Variants in XKR4 observed in about 807,000 individuals in gnomAD.
XKR4 encodes the protein XK related 4.
A neutral mutation model predicts 53.9 loss-of-function variants in XKR4; 12 were observed. The ratio of observed to expected loss-of-function variants is 0.22; its 90% CI spans 0.14 to 0.36. XKR4 has a LOEUF of 0.36. Ranked by LOEUF, XKR4 falls within the 10% of genes least tolerant of loss-of-function variation. The probability of loss-of-function intolerance (pLI) is 1.00; values close to 1 mark genes in which losing one functional copy is unlikely to be tolerated. For missense variants in XKR4, 799 were observed against 859.5 expected (o/e 0.93, Z 0.88); for synonymous variants, 354 against 362.4 (o/e 0.98, Z 0.26).
chr8:55,272,916 A>G (rs1818712371), intron 1 of XKR4: 1 of 454,044 alleles, frequency 2.2e-6, no homozygotes, highest in African/African-American at 2.0e-5. Flanking sequence ...TATTTCAACT[A>G]TTGGGTATAA....
chr8:55,397,563 T>A (rs908883940), intron 2 of XKR4, among the ~76,000 whole-genome samples: 1 of 149,216 alleles, frequency 6.7e-6, no homozygotes, highest in Non-Finnish European at 1.5e-5. Context: ...CCACTGGAGC[T>A]GTGCCCTTAA....
At chr8:55,482,432 A>G (rs1002530487) in intron 2 of XKR4, among the ~76,000 whole-genome samples, 2 of 152,110 alleles carry the variant, frequency 1.3e-5, no homozygotes, top group Non-Finnish European at 2.9e-5. Flanking sequence ...GCATTAGGAG[A>G]TATACCTAAT....
intron 2 of XKR4, among the ~76,000 whole-genome samples, chr8:55,361,530 C>T (rs545545538): frequency 1.5e-4 from 23 of 152,032 alleles, no homozygotes; most frequent in African/African-American, 2.4e-4. Context: ...CTACCCTGGC[C>T]GGACCATGTG....
chr8:55,160,414 GTAGGCATGAAC>G (rs1816967485), intron 1 of XKR4, among the ~76,000 whole-genome samples: 1 of 152,192 alleles, frequency 6.6e-6, no homozygotes, highest in Non-Finnish European at 1.5e-5. Flanking sequence ...TTAGAGGTCT[GTAGGCATGAAC>G]TAGAAGTAAA....
In XKR4 at chr8:55,532,268, C is replaced by T. The variant is rs531898099; in HGVS notation, c.*8041C>T. On this transcript the variant is annotated 3_prime_UTR_variant, in exon 3 of 3. Transcript: ENST00000327381. ...AGGTACCATGATCTCTAGGTTCATG[C>T]CACCATTACCACATTCCTTACTACA... 1 of 152,104 alleles carries T rather than the reference C, an allele frequency of 6.6e-6. No individual in the cohort carries two copies. The highest frequency in any genetic ancestry group is 1.5e-5 in the Non-Finnish European group (1 of 68,018). The allele number at this position is 152,104 out of a possible 1,614,324, so 9.4% of individuals were successfully genotyped here. A position where few individuals can be genotyped will look rare whatever the true frequency, so the allele number is the denominator to read the frequency against.
intron 1 of XKR4, among the ~76,000 whole-genome samples, chr8:55,330,902 G>A (rs1334999294): frequency 2.0e-5 from 3 of 152,060 alleles, no homozygotes; most frequent in African/African-American, 7.2e-5. Context: ...TACAAGTTGT[G>A]AGTCCATGGA....
intron 1 of XKR4, among the ~76,000 whole-genome samples, chr8:55,278,936 T>C (rs756361164): frequency 2.6e-5 from 4 of 152,062 alleles, no homozygotes; most frequent in Non-Finnish European, 4.4e-5. Flanking sequence ...GATTGCAACA[T>C]GAAGAGAAGC....
At chr8:55,462,320 C>T (rs1805671875) in intron 2 of XKR4, among the ~76,000 whole-genome samples, 1 of 152,148 alleles carries the variant, frequency 6.6e-6, no homozygotes, top group Non-Finnish European at 1.5e-5. Flanking sequence ...GGCCAATATT[C>T]AACATTCTTA....
chr8:55,315,252 A>G (rs1353254116), intron 1 of XKR4, among the ~76,000 whole-genome samples: 1 of 152,216 alleles, frequency 6.6e-6, no homozygotes, highest in African/African-American at 2.4e-5. Flanking sequence ...AAGGACACAG[A>G]GATAAGTAAG....
chr8:55,493,306 G>A (rs1806296963), intron 2 of XKR4, among the ~76,000 whole-genome samples: 1 of 152,172 alleles, frequency 6.6e-6, no homozygotes, highest in South Asian at 2.1e-4. Flanking sequence ...GATACAGCAT[G>A]TGAGCTCCAG....
chr8:55,159,132 T>C (rs1037870334), intron 1 of XKR4, among the ~76,000 whole-genome samples: 1 of 152,242 alleles, frequency 6.6e-6, no homozygotes, highest in Non-Finnish European at 1.5e-5. Context: ...TTCCATTTGT[T>C]TGTGTCACCT....
At chr8:55,449,778 G>A (rs1805403094) in intron 2 of XKR4, 3 of 1,175,262 alleles carry the variant, frequency 2.6e-6, no homozygotes, top group Admixed American at 1.7e-5. Context: ...ATGAACCAGC[G>A]GGCCTTCCAG....
chr8:55,494,671 G>T (rs78403389), intron 2 of XKR4, among the ~76,000 whole-genome samples: 2 of 152,198 alleles, frequency 1.3e-5, no homozygotes, highest in Admixed American at 6.5e-5. Context: ...TCCTATCATC[G>T]TTTCAGTTCT....
intron 2 of XKR4, among the ~76,000 whole-genome samples, chr8:55,420,847 T>C (rs1194991884): frequency 1.3e-5 from 2 of 148,310 alleles, no homozygotes; most frequent in African/African-American, 2.6e-5. Flanking sequence ...CCTTTGGCTG[T>C]TGTTGCTCAG....
rs998743450 is a variant in XKR4, at chr8:55,525,078, A to G, written c.*851A>G. ...AAGAGGAAGTGGGGAAAAAGGCAAA[A>G]TGAGAGTCTGATTCCCAGGCATGTG... On this transcript the variant is annotated 3_prime_UTR_variant, in exon 3 of 3. Coordinates refer to ENST00000327381, the MANE Select transcript of XKR4 (RefSeq NM_052898.2). 1.3e-5 allele frequency: 2 copies of G among 152,588 alleles called. No homozygotes were observed. The highest frequency in any genetic ancestry group is 4.8e-5 in the African/African-American group (2 of 41,452). 9.5% of individuals were successfully genotyped at this position (152,588 alleles called of 1,614,324 possible).
chr8:55,125,658 A>G (rs1339782488), intron 1 of XKR4, among the ~76,000 whole-genome samples: 1 of 152,250 alleles, frequency 6.6e-6, no homozygotes, highest in Non-Finnish European at 1.5e-5. Context: ...TTTGCAATAT[A>G]TTAAACACAA....
chr8:55,496,898 G>C (rs1806360336), intron 2 of XKR4, among the ~76,000 whole-genome samples: 1 of 152,110 alleles, frequency 6.6e-6, no homozygotes. Context: ...AATAGTTCTA[G>C]GGGAAAATAA....
At chr8:55,496,385 A>C (rs1452382419) in intron 2 of XKR4, among the ~76,000 whole-genome samples, 2 of 125,456 alleles carry the variant, frequency 1.6e-5, no homozygotes, top group Non-Finnish European at 3.0e-5. Flanking sequence ...TCTTTAAAAC[A>C]AAAAAAAAAT....
chr8:55,204,597 G>A (rs779589709), intron 1 of XKR4, among the ~76,000 whole-genome samples: 1 of 152,006 alleles, frequency 6.6e-6, no homozygotes, highest in Non-Finnish European at 1.5e-5. Context: ...CTACACAAGA[G>A]GTCGTCAATA....
Sources: gnomAD v4.1 joint callset for allele counts (sites outside exome capture counted in the v4.1 genomes callset) on GRCh38, gnomAD v4.1.1 for gene constraint, MANE v1.5 for transcripts, NCBI Gene and HGNC (gene_info 2026-07-23, HGNC 2026-07-21) for gene names.